Variants in DYNC2H1 observed in about 807,000 individuals in gnomAD.
The protein encoded by DYNC2H1 is cytoplasmic dynein 2 heavy chain 1.
DYNC2H1 carries 410 observed loss-of-function variants against 570.0 expected under a neutral mutation model. That is an observed-to-expected ratio of 0.72 (90% CI 0.66 to 0.78). The LOEUF (loss-of-function observed/expected upper bound fraction) is 0.78, where lower values mean the gene tolerates loss of function less well. Ranked by LOEUF, DYNC2H1 falls within the 30% of genes least tolerant of loss-of-function variation. The probability of loss-of-function intolerance (pLI) is 0.00; values close to 1 mark genes in which losing one functional copy is unlikely to be tolerated. For missense variants in DYNC2H1, 4,865 were observed against 5,046.4 expected, an observed-to-expected ratio of 0.96 and a Z score of 1.09; for synonymous variants, 1,688 against 1,677.6, an observed-to-expected ratio of 1.01 and a Z score of -0.15.
chr11:103,309,379 G>A (rs1308430289), intron 78 of DYNC2H1, among the ~76,000 whole-genome samples: 1 of 145,704 alleles, frequency 6.9e-6, no homozygotes, highest in African/African-American at 2.5e-5. Flanking sequence ...TTTTTTTTGA[G>A]AGACGAGGCC....
At chr11:103,328,218 T>C (rs953286393) in intron 82 of DYNC2H1, among the ~76,000 whole-genome samples, 1 of 152,224 alleles carries the variant, frequency 6.6e-6, no homozygotes, top group Non-Finnish European at 1.5e-5. Flanking sequence ...CTTATTTTCT[T>C]ATTTGTATTT....
chr11:103,226,530 G>T (rs1053280399), intron 59 of DYNC2H1, among the ~76,000 whole-genome samples: 1 of 151,956 alleles, frequency 6.6e-6, no homozygotes, highest in Non-Finnish European at 1.5e-5. Flanking sequence ...TCGACTTAAC[G>T]TATGTTAAAC....
intron 10 of DYNC2H1, among the ~76,000 whole-genome samples, 190 bp downstream of exon 10, chr11:103,121,686 T>C (rs536461505): frequency 6.6e-6 from 1 of 152,340 alleles, no homozygotes; most frequent in African/African-American, 2.4e-5. Context: ...TCCTTCTTTC[T>C]GTAGAGATAA....
At chr11:103,332,536 A>T (rs1349580005) in intron 82 of DYNC2H1, among the ~76,000 whole-genome samples, 1 of 152,210 alleles carries the variant, frequency 6.6e-6, no homozygotes. Context: ...GGGGTAGAGA[A>T]AGTATTGTGG....
intron 66 of DYNC2H1, among the ~76,000 whole-genome samples, chr11:103,253,989 TA>T (rs1011544105): frequency 3.3e-5 from 5 of 152,182 alleles, no homozygotes; most frequent in African/African-American, 7.2e-5. Context: ...TTTTCCCCTT[TA>T]AAGATATAAT....
chr11:103,211,734 A>G, intron 53 of DYNC2H1, 55 bp from the exon 54 acceptor site: 1 of 712,010 alleles, frequency 1.4e-6, no homozygotes, highest in Non-Finnish European at 2.1e-6. Flanking sequence ...ATTTTCTCTT[A>G]TTTTTAATGA....
rs552979387 is a variant in DYNC2H1 at position 103,145,285 on chromosome 11, G to A, written c.2702+1890G>A. ...GGAGGAAGATGAGGGATTAGGAATA[G>A]GAAGAGACAAATGACTTGAGGGTTT... is the stretch of plus-strand genomic sequence containing the variant. On this transcript the variant is annotated intron_variant, in intron 18 of 88. Coordinates refer to ENST00000375735, the MANE Select transcript of DYNC2H1 (RefSeq NM_001377.3). This position sits in a 1 kb window ranked among gnomAD's most constrained non-coding sequence, Gnocchi z 4.2. Among the ~76,000 whole-genome samples the A allele has an allele frequency of 1.7e-4, 26 of 152,318 alleles. No individual in the cohort carries two copies. Among genetic ancestry groups the A allele is most frequent in the Middle Eastern group, 6.8e-3 (2 of 294 alleles).
chr11:103,281,838 C>T (rs955835392), intron 71 of DYNC2H1, among the ~76,000 whole-genome samples: 2 of 151,900 alleles, frequency 1.3e-5, no homozygotes, highest in African/African-American at 4.8e-5. Context: ...GTGCACCTTA[C>T]TTCTACTTAT....
chr11:103,215,384 T>C (rs35357326), intron 54 of DYNC2H1, among the ~76,000 whole-genome samples: 16,121 of 152,206 alleles, frequency 0.11, 1,016 homozygotes, highest in East Asian at 0.22. Flanking sequence ...TCAGATGTGT[T>C]TTCTGTGTCT....
chr11:103,111,265 A>T (rs138610856), intron 1 of DYNC2H1, among the ~76,000 whole-genome samples: 4 of 152,362 alleles, frequency 2.6e-5, no homozygotes, highest in African/African-American at 9.6e-5. Context: ...ATGGGTTTAC[A>T]AAGATATAAA....
chr11:103,206,058 A>T (rs1862909644), intron 52 of DYNC2H1, among the ~76,000 whole-genome samples: 1 of 152,188 alleles, frequency 6.6e-6, no homozygotes, highest in Non-Finnish European at 1.5e-5. Flanking sequence ...GAGCAGTTAC[A>T]AATGATTGCA....
chr11:103,382,351 C>T lies in DYNC2H1; in HGVS notation c.12157-17312C>T, dbSNP rs551880272. ...TAACTATATTTTTGTCCAGAATGTT[C>T]CCTAGATTTATGTATCTGCCAAATT... is the stretch of plus-strand genomic sequence containing the variant. On this transcript the variant is annotated intron_variant, in intron 83 of 88. Coordinates refer to ENST00000375735, the MANE Select transcript of DYNC2H1 (RefSeq NM_001377.3). Among the ~76,000 whole-genome samples the T allele has an allele frequency of 5.3e-5, 8 of 152,118 alleles. No individual in the cohort carries two copies. The Middle Eastern group carries it at 0.014, about 259-fold the overall frequency.
rs11454953 is a variant in DYNC2H1 at position 103,472,378 on chromosome 11, T to TA, written c.12765+3680dup. 0.97 allele frequency among the ~76,000 whole-genome samples: 147,435 copies of TA among 151,988 alleles called. 71,673 individuals carry two copies. Among genetic ancestry groups the TA allele is most frequent in the Middle Eastern group, 1 (294 of 294 alleles). On this transcript the variant is annotated intron_variant, in intron 88 of 88. Coordinates refer to ENST00000375735, the MANE Select transcript of DYNC2H1 (RefSeq NM_001377.3). This position sits in a 1 kb window ranked among gnomAD's most constrained non-coding sequence, Gnocchi z 4.1. The stretch of plus-strand genomic sequence containing the variant: ...CATCTTTATTAAATAAAAAAAGAAT[T>TA]AAAAAAATTTTTTTTAAAGAATTGA...
At chr11:103,287,740 A>G (rs1866405876) in intron 75 of DYNC2H1, 135 bp downstream of exon 75, 2 of 751,100 alleles carry the variant, frequency 2.7e-6, no homozygotes, top group East Asian at 5.9e-5. Flanking sequence ...TTATCTTCCA[A>G]TCTCTACCTG....
intron 88 of DYNC2H1, among the ~76,000 whole-genome samples, chr11:103,476,423 AAGG>A (rs1488135391): frequency 6.6e-6 from 1 of 152,196 alleles, no homozygotes; most frequent in African/African-American, 2.4e-5. Flanking sequence ...TAAAAATTCA[AAGG>A]AGATTATTTT....
At chr11:103,171,095 A>T (rs770092540) in intron 34 of DYNC2H1, 27 bp downstream of exon 34, 2 of 1,520,818 alleles carry the variant, frequency 1.3e-6, no homozygotes, top group South Asian at 2.7e-5. Flanking sequence ...GAATTTAAAG[A>T]ATTAAAATAT....
At chr11:103,333,275 G>GT (rs1373971928) in intron 82 of DYNC2H1, among the ~76,000 whole-genome samples, 1 of 152,056 alleles carries the variant, frequency 6.6e-6, no homozygotes. Context: ...TTGTTTCTTT[G>GT]TTTTTTGAGA....
chr11:103,383,119 T>A (rs1236857295), intron 83 of DYNC2H1, among the ~76,000 whole-genome samples: 1 of 152,168 alleles, frequency 6.6e-6, no homozygotes, highest in Non-Finnish European at 1.5e-5. Context: ...GGGGGATTCT[T>A]TGGCTGAGGC....
chr11:103,179,773 C>T (rs1861774171), intron 39 of DYNC2H1, among the ~76,000 whole-genome samples: 1 of 151,482 alleles, frequency 6.6e-6, no homozygotes, highest in African/African-American at 2.4e-5. Flanking sequence ...GGCTTAAAGA[C>T]TGAAAGTGAA....
Sources: allele counts gnomAD v4.1 joint callset (sites outside exome capture counted in the v4.1 genomes callset), GRCh38; gene constraint gnomAD v4.1.1; non-coding constraint Gnocchi (gnomAD v3.1); transcripts MANE v1.5; gene names NCBI Gene and HGNC (gene_info 2026-07-23, HGNC 2026-07-21).